Variants in DLGAP2 observed in about 807,000 individuals in gnomAD.
The protein encoded by DLGAP2 is disks large-associated protein 2.
A neutral mutation model predicts 100.3 loss-of-function variants in DLGAP2; 26 were observed. The observed-to-expected ratio is 0.26, with a 90% CI of 0.19 to 0.36. The LOEUF (loss-of-function observed/expected upper bound fraction) is 0.36. Among genes scored for constraint, DLGAP2 ranks in the 10% least tolerant of loss-of-function variants. The probability of loss-of-function intolerance (pLI) is 1.00; values close to 1 mark genes in which losing one functional copy is unlikely to be tolerated. For missense variants in DLGAP2, 1,858 were observed against 1,453.2 expected, an observed-to-expected ratio of 1.28 and a Z score of -4.53; for synonymous variants, 886 against 630.1, an observed-to-expected ratio of 1.41 and a Z score of -6.08.
intron 2 of DLGAP2, among the ~76,000 whole-genome samples, chr8:1,028,577 G>A (rs1801885206): frequency 6.6e-6 from 1 of 152,234 alleles, no homozygotes; most frequent in Admixed American, 6.5e-5. Context: ...CTCCAGATGT[G>A]CCAGGCGTGG....
intron 3 of DLGAP2, among the ~76,000 whole-genome samples, chr8:1,306,958 G>C (rs1047814114): frequency 6.6e-6 from 1 of 151,718 alleles, no homozygotes; most frequent in Non-Finnish European, 1.5e-5. Flanking sequence ...AAACAGAGAG[G>C]ATAAGCTTTA....
chr8:1,431,750 C>G (rs934933006), intron 3 of DLGAP2, among the ~76,000 whole-genome samples: 56 of 143,270 alleles, frequency 3.9e-4, no homozygotes, highest in Non-Finnish European at 7.5e-4. Flanking sequence ...ACTCAGCCTT[C>G]CTTTTCTTTA....
chr8:1,249,503 C>A (rs1159805272), intron 2 of DLGAP2, among the ~76,000 whole-genome samples: 3 of 152,190 alleles, frequency 2.0e-5, no homozygotes, highest in Non-Finnish European at 2.9e-5. Flanking sequence ...TTGCACTGAA[C>A]AATCTTTTGC....
chr8:1,446,898 G>T (rs1169626155), intron 3 of DLGAP2, among the ~76,000 whole-genome samples: 7 of 152,152 alleles, frequency 4.6e-5, no homozygotes, highest in Non-Finnish European at 1.0e-4. Flanking sequence ...CTGTTTGCCT[G>T]TTATTGGTGT....
chr8:1,089,640 G>A (rs1330996139), intron 2 of DLGAP2, among the ~76,000 whole-genome samples: 1 of 152,164 alleles, frequency 6.6e-6, no homozygotes, highest in African/African-American at 2.4e-5. Flanking sequence ...AAAATGATAG[G>A]TTCATATTGA....
At chr8:1,108,041 G>A (rs962766336) in intron 2 of DLGAP2, among the ~76,000 whole-genome samples, 3 of 152,196 alleles carry the variant, frequency 2.0e-5, no homozygotes, top group African/African-American at 4.8e-5. Context: ...ACCAACTTGC[G>A]TGTTTTCTTT....
Position 843,605 on chromosome 8 carries a change from G to A in DLGAP2, c.19-64307G>A, listed in dbSNP as rs146799431. Among the ~76,000 whole-genome samples, 461 of 152,326 alleles carry A rather than the reference G, an allele frequency of 3.0e-3. 3 individuals are homozygous for A. The highest frequency in any genetic ancestry group is 0.01 in the African/African-American group (433 of 41,566). On this transcript the variant is annotated intron_variant, in intron 1 of 14. Coordinates refer to ENST00000637795, the MANE Select transcript of DLGAP2 (RefSeq NM_001346810.2). ...CACGTAGATCCTGGGGCACTTCCCC[G>A]TATTTTGCACTCCCTGGGCTGTCTG...
intron 3 of DLGAP2, among the ~76,000 whole-genome samples, chr8:1,414,440 G>A (rs1175155058): frequency 6.6e-6 from 1 of 152,222 alleles, no homozygotes; most frequent in Non-Finnish European, 1.5e-5. Context: ...TCAAGTGTGG[G>A]AGGCAAGAGG....
intron 3 of DLGAP2, among the ~76,000 whole-genome samples, chr8:1,325,992 T>G (rs912331822): frequency 6.6e-5 from 10 of 152,194 alleles, no homozygotes; most frequent in African/African-American, 2.2e-4. Flanking sequence ...TGCCTCCGGG[T>G]TAGCCATCTG....
chr8:828,417 C>T (rs908197614), intron 1 of DLGAP2, among the ~76,000 whole-genome samples: 6 of 152,312 alleles, frequency 3.9e-5, no homozygotes, highest in African/African-American at 1.4e-4. Flanking sequence ...ATATTTCTCC[C>T]ATTTGCTTTT....
chr8:1,445,211 T>C (rs1797951499), intron 3 of DLGAP2, among the ~76,000 whole-genome samples: 1 of 148,404 alleles, frequency 6.7e-6, no homozygotes, highest in Non-Finnish European at 1.5e-5. Context: ...TAGCATTAGG[T>C]ATATCTCCTA....
At chr8:818,352 C>A (rs1796524256) in intron 1 of DLGAP2, among the ~76,000 whole-genome samples, 2 of 152,214 alleles carry the variant, frequency 1.3e-5, no homozygotes, top group African/African-American at 4.8e-5. Flanking sequence ...CTAACTCCCA[C>A]CGTGCCCCAC....
At chr8:1,251,204 G>T (rs562685983) in intron 2 of DLGAP2, among the ~76,000 whole-genome samples, 1 of 152,018 alleles carries the variant, frequency 6.6e-6, no homozygotes, top group Non-Finnish European at 1.5e-5. Context: ...GTCATCCTGG[G>T]CTTTTACTTA....
intron 2 of DLGAP2, among the ~76,000 whole-genome samples, chr8:1,235,335 C>A (rs1250414070): frequency 2.0e-5 from 3 of 146,748 alleles, no homozygotes; most frequent in Non-Finnish European, 3.0e-5. Flanking sequence ...TCACATGGCG[C>A]CGTGTCTAGT....
chr8:1,288,400 G>A (rs1348304404), intron 3 of DLGAP2, among the ~76,000 whole-genome samples: 48 of 143,042 alleles, frequency 3.4e-4, no homozygotes, highest in Middle Eastern at 4.7e-3. Context: ...GTGTGTGTGT[G>A]GTTGTTAGGA....
At chr8:1,686,930 T>A (rs1288140253) in intron 12 of DLGAP2, among the ~76,000 whole-genome samples, 1 of 152,250 alleles carries the variant, frequency 6.6e-6, no homozygotes, top group Non-Finnish European at 1.5e-5. Context: ...CCAGTCATCC[T>A]GATTTGATCT....
intron 1 of DLGAP2, among the ~76,000 whole-genome samples, chr8:814,565 G>T (rs3924247): frequency 6.6e-6 from 1 of 152,006 alleles, no homozygotes; most frequent in South Asian, 2.1e-4. Flanking sequence ...ACAAGAATAG[G>T]TAGTTTTGTA....
At chr8:781,056 A>T (rs1201002488) in intron 1 of DLGAP2, among the ~76,000 whole-genome samples, 1 of 152,234 alleles carries the variant, frequency 6.6e-6, no homozygotes, top group Non-Finnish European at 1.5e-5. Flanking sequence ...CAGCCCAGGC[A>T]TGAAAATATG....
chr8:1,334,125 T>C (rs1462638734), intron 3 of DLGAP2, among the ~76,000 whole-genome samples: 2 of 152,214 alleles, frequency 1.3e-5, no homozygotes, highest in South Asian at 4.1e-4. Context: ...CACACAGTGA[T>C]GCCAGTGAGT....
Sources: allele counts gnomAD v4.1 joint callset (sites outside exome capture counted in the v4.1 genomes callset), GRCh38; gene constraint gnomAD v4.1.1; transcripts MANE v1.5; gene names NCBI Gene and HGNC (gene_info 2026-07-23, HGNC 2026-07-21).